VPS13B: variants seen among roughly 807,000 people sequenced by gnomAD.
The protein encoded by VPS13B is intermembrane lipid transfer protein VPS13B.
A neutral mutation model predicts 426.4 loss-of-function variants in VPS13B; 285 were observed. The ratio of observed to expected loss-of-function variants is 0.67; its 90% CI spans 0.61 to 0.74. The LOEUF is 0.74. Among genes scored for constraint, VPS13B ranks in the 30% least tolerant of loss-of-function variants. The pLI is 0.00. For missense variants in VPS13B, 4,537 were observed against 4,782.6 expected (o/e 0.95, Z 1.51); for synonymous variants, 1,676 against 1,676.4 (o/e 1.00, Z 0.01).
chr8:99,397,363 T>G (rs1814791017), intron 21 of VPS13B, among the ~76,000 whole-genome samples: 1 of 152,184 alleles, frequency 6.6e-6, no homozygotes, highest in South Asian at 2.1e-4. Flanking sequence ...CAGGATGGTC[T>G]CGATCTCTTG....
chr8:99,277,185 AGTAT>A (rs1818942235), intron 19 of VPS13B, among the ~76,000 whole-genome samples: 1 of 152,104 alleles, frequency 6.6e-6, no homozygotes, highest in South Asian at 2.1e-4. Flanking sequence ...TATGGATAGT[AGTAT>A]GTTTATGGAT....
chr8:99,134,933 A>G (rs1395631348), intron 9 of VPS13B, 82 bp from the exon 10 acceptor site: 1 of 1,523,710 alleles, frequency 6.6e-7, no homozygotes, highest in Non-Finnish European at 9.1e-7. Flanking sequence ...ATGTTTAACT[A>G]ATTTAGAGAT....
chr8:99,276,878 T>A (rs562579588), intron 19 of VPS13B, among the ~76,000 whole-genome samples: 13 of 152,154 alleles, frequency 8.5e-5, no homozygotes, highest in Non-Finnish European at 1.3e-4. Flanking sequence ...CTTTCTAGAA[T>A]CTTGCCACTT....
intron 19 of VPS13B, among the ~76,000 whole-genome samples, chr8:99,319,926 TC>T (rs979562991): frequency 1.3e-5 from 2 of 152,208 alleles, no homozygotes; most frequent in Non-Finnish European, 2.9e-5. Context: ...GGACTATATC[TC>T]TTTTATGCAC....
intron 39 of VPS13B, among the ~76,000 whole-genome samples, chr8:99,756,935 G>C (rs751515032): frequency 5.3e-5 from 8 of 152,118 alleles, no homozygotes; most frequent in Non-Finnish European, 1.2e-4. Flanking sequence ...GTGTAATCTT[G>C]AGCAGGTTAC....
At chr8:99,401,678 C>T (rs1657691570) in intron 21 of VPS13B, among the ~76,000 whole-genome samples, 1 of 152,100 alleles carries the variant, frequency 6.6e-6, no homozygotes, top group Non-Finnish European at 1.5e-5. Flanking sequence ...CCAGCCTGGC[C>T]AACATGGTGA....
chr8:99,234,300 G>C, intron 17 of VPS13B: 2 of 760,306 alleles, frequency 2.6e-6, no homozygotes, highest in South Asian at 2.7e-5. Context: ...GTGTTGACTT[G>C]TTCCACATTC....
intron 17 of VPS13B, among the ~76,000 whole-genome samples, chr8:99,265,973 C>CT (rs1818274654): frequency 6.6e-6 from 1 of 152,112 alleles, no homozygotes; most frequent in Non-Finnish European, 1.5e-5. Flanking sequence ...AAAATAATTT[C>CT]TTAATAGTCT....
rs386834116 is a variant in VPS13B, at chr8:99,819,403, A to G, written c.8622-9A>G. The G allele has an allele frequency of 3.1e-6, 5 of 1,613,502 alleles. No homozygotes were observed. Among genetic ancestry groups the G allele is most frequent in the East Asian group, 2.2e-5 (1 of 44,838 alleles). On this transcript the variant is annotated splice_polypyrimidine_tract_variant and intron_variant, in intron 47 of 61. Transcript: ENST00000357162. ...ATAATTATTCTTGGTTTTTATTTCA[A>G]TTTCCTAGAGAAGAATATGATCCTT...
intron 25 of VPS13B, among the ~76,000 whole-genome samples, chr8:99,495,545 T>C (rs1405038367): frequency 6.6e-6 from 1 of 152,198 alleles, no homozygotes; most frequent in Non-Finnish European, 1.5e-5. Context: ...TATGAAGCCC[T>C]TACATGGTGG....
intron 27 of VPS13B, among the ~76,000 whole-genome samples, chr8:99,506,237 A>G (rs558604875): frequency 6.6e-6 from 1 of 152,314 alleles, no homozygotes; most frequent in African/African-American, 2.4e-5. Flanking sequence ...ATTATTATGT[A>G]TATGGATATG....
chr8:99,390,540 A>C (rs575663460), intron 20 of VPS13B, among the ~76,000 whole-genome samples: 4 of 152,244 alleles, frequency 2.6e-5, no homozygotes, highest in African/African-American at 9.6e-5. Context: ...ACTTTTTTAT[A>C]ATGTACATTA....
At chr8:99,756,900 C>A (rs1810667906) in intron 39 of VPS13B, among the ~76,000 whole-genome samples, 1 of 152,164 alleles carries the variant, frequency 6.6e-6, no homozygotes, top group Non-Finnish European at 1.5e-5. Context: ...GGATTTACAA[C>A]CAGAAAGTTT....
At chr8:99,541,512 G>T (rs1012755007) in intron 30 of VPS13B, among the ~76,000 whole-genome samples, 1 of 151,946 alleles carries the variant, frequency 6.6e-6, no homozygotes, top group East Asian at 1.9e-4. Context: ...CCCTGCACCC[G>T]GACAGGCCCC....
At chr8:99,244,912 T>C (rs890710725) in intron 17 of VPS13B, among the ~76,000 whole-genome samples, 3 of 152,182 alleles carry the variant, frequency 2.0e-5, no homozygotes, top group Non-Finnish European at 2.9e-5. Context: ...GTGTGGTGCA[T>C]GGATGCATGT....
chr8:99,239,585 C>CT (rs1816812656), intron 17 of VPS13B, among the ~76,000 whole-genome samples: 1 of 152,034 alleles, frequency 6.6e-6, no homozygotes, highest in Non-Finnish European at 1.5e-5. Flanking sequence ...CAGCATTTAA[C>CT]TTTTTTCTAG....
At chr8:99,597,404 A>C (rs1386016151) in intron 33 of VPS13B, among the ~76,000 whole-genome samples, 1 of 152,076 alleles carries the variant, frequency 6.6e-6, no homozygotes, top group Non-Finnish European at 1.5e-5. Context: ...TGTCGTATGA[A>C]GAAAACCTGT....
chr8:99,037,108 C>T (rs1041107125), intron 2 of VPS13B, among the ~76,000 whole-genome samples: 4 of 152,086 alleles, frequency 2.6e-5, no homozygotes, highest in Non-Finnish European at 5.9e-5. Flanking sequence ...GTGCTTATTG[C>T]TTTTGTTACA....
intron 33 of VPS13B, among the ~76,000 whole-genome samples, chr8:99,602,844 G>A (rs1827380596): frequency 6.6e-6 from 1 of 152,116 alleles, no homozygotes; most frequent in East Asian, 1.9e-4. Flanking sequence ...ACCTCTTCAA[G>A]GAGAACTACA....
Sources: allele counts gnomAD v4.1 joint callset (sites outside exome capture counted in the v4.1 genomes callset), GRCh38; gene constraint gnomAD v4.1.1; transcripts MANE v1.5; gene names NCBI Gene and HGNC (gene_info 2026-07-23, HGNC 2026-07-21).